CCDC150: variants seen among roughly 807,000 people sequenced by gnomAD.
CCDC150 encodes coiled-coil domain containing 150.
In CCDC150, 151 loss-of-function variants were observed where a neutral mutation model predicts 156.5. The ratio of observed to expected loss-of-function variants is 0.97; its 90% confidence interval spans 0.85 to 1.10. The LOEUF (loss-of-function observed/expected upper bound fraction) is 1.10, where lower values mean the gene tolerates loss of function less well. Among genes scored for constraint, CCDC150 ranks in the 50% least tolerant of loss-of-function variants. The probability of loss-of-function intolerance (pLI) is 0.00; values close to 1 mark genes in which losing one functional copy is unlikely to be tolerated. For synonymous variants in CCDC150, 452 were observed against 429.4 expected, an observed-to-expected ratio of 1.05 and a Z score of -0.65; for missense variants, 1,312 against 1,268.1, an observed-to-expected ratio of 1.03 and a Z score of -0.53.
In CCDC150 at chr2:196,695,062, T is replaced by C. The variant is rs759742977; in HGVS notation, c.1526T>C (p.Leu509Ser). Residue 509 changes from leucine (L) to serine (S), a missense_variant, in exon 14 of 28, where the codon TTA becomes TCA. By Grantham distance (145) the Leu-to-Ser change is moderately radical. Coordinates refer to ENST00000389175, the MANE Select transcript of CCDC150 (RefSeq NM_001080539.2). Reference protein sequence around the residue: ...LAKNKVDINTLTHNLQTLEEE... With the variant: ...LAKNKVDINTSTHNLQTLEEE... ...TCTTTAAAGGTAGACATAAATACAT[T>C]AACTCATAACCTGCAGACTCTTGAA... 11 of 1,597,126 alleles carry C rather than the reference T, an allele frequency of 6.9e-6. No homozygotes were observed. In the African/African-American group the frequency reaches 1.5e-4, roughly 22 times the overall value.
At chr2:196,678,172 T>C (rs1694621966) in intron 13 of CCDC150, among the ~76,000 whole-genome samples, 1 of 152,158 alleles carries the variant, frequency 6.6e-6, no homozygotes, top group African/African-American at 2.4e-5. Context: ...CGTTTCAAAT[T>C]TTGAAGAGAG....
chr2:196,731,194 T>C (rs1698498260), intron 26 of CCDC150, among the ~76,000 whole-genome samples: 1 of 152,264 alleles, frequency 6.6e-6, no homozygotes, highest in South Asian at 2.1e-4. Context: ...CAAATCTCCC[T>C]ATTAAATATA....
At chr2:196,706,930 T>C (rs1160126218) in intron 15 of CCDC150, among the ~76,000 whole-genome samples, 1 of 152,210 alleles carries the variant, frequency 6.6e-6, no homozygotes, top group African/African-American at 2.4e-5. Context: ...TTATTGAGGA[T>C]TTTCACATCA....
intron 15 of CCDC150, among the ~76,000 whole-genome samples, chr2:196,709,251 T>C (rs116698954): frequency 1.5e-3 from 229 of 152,324 alleles, no homozygotes; most frequent in Non-Finnish European, 2.8e-3. Context: ...ATTTCACTGA[T>C]TTGATCTTCA....
chr2:196,702,049 G>A (rs1696248544), intron 15 of CCDC150, among the ~76,000 whole-genome samples: 1 of 152,076 alleles, frequency 6.6e-6, no homozygotes, highest in South Asian at 2.1e-4. Flanking sequence ...GGGCAATATA[G>A]CAAGACCCTG....
intron 14 of CCDC150, among the ~76,000 whole-genome samples, chr2:196,699,330 C>T (rs1696043044): frequency 6.6e-6 from 1 of 152,088 alleles, no homozygotes; most frequent in Non-Finnish European, 1.5e-5. Flanking sequence ...AGGACAAATA[C>T]TTGGTCTAAT....
chr2:196,647,444 CA>C, intron 2 of CCDC150, among the ~76,000 whole-genome samples: 1 of 151,974 alleles, frequency 6.6e-6, no homozygotes, highest in Non-Finnish European at 1.5e-5. Context: ...CTTGTTTCTA[CA>C]TAACAAGAAA....
At chr2:196,683,171 A>C (rs1694941550) in intron 13 of CCDC150, among the ~76,000 whole-genome samples, 2 of 152,044 alleles carry the variant, frequency 1.3e-5, no homozygotes, top group Admixed American at 6.5e-5. Flanking sequence ...AATGCTGTTC[A>C]TCAGGATTAG....
At position 196,666,522 on chromosome 2, in the gene CCDC150, G is replaced by A. The variant is rs570225619; in HGVS notation, c.763-197G>A. Among the ~76,000 whole-genome samples, 3 of 152,256 alleles carry A rather than the reference G, an allele frequency of 2.0e-5. No homozygotes were observed. In the South Asian group the frequency reaches 6.2e-4, roughly 32 times the overall value. On this transcript the variant is annotated intron_variant, in intron 6 of 27. Coordinates refer to ENST00000389175, the MANE Select transcript of CCDC150 (RefSeq NM_001080539.2). ...TTGTGGCTAGTGGATTATTGCATTG[G>A]AGAGTGCACAGAAGGTTCTATTGGA...
Position 196,719,477 on chromosome 2 carries a change from G to A in CCDC150, c.1996-20G>A, listed in dbSNP as rs1440583152. On this transcript the variant is annotated intron_variant, in intron 18 of 27. Coordinates refer to ENST00000389175, the MANE Select transcript of CCDC150 (RefSeq NM_001080539.2). ...ACCAGAAAGGATCAAATGTCTTTGT[G>A]TTGTTTCATTTTCTGTTAGGTGGGA... 6.3e-7 allele frequency: 1 copy of A among 1,598,702 alleles called. No homozygotes were observed. Among genetic ancestry groups the A allele is most frequent in the South Asian group, 1.1e-5 (1 of 88,112 alleles).
intron 15 of CCDC150, among the ~76,000 whole-genome samples, chr2:196,705,853 G>A (rs1457147283): frequency 6.6e-6 from 1 of 152,234 alleles, no homozygotes; most frequent in African/African-American, 2.4e-5. Context: ...TCAAAGATCA[G>A]ATGGTTGTAG....
At chr2:196,713,812 A>C (rs1335973528) in intron 17 of CCDC150, 5 of 1,034,660 alleles carry the variant, frequency 4.8e-6, no homozygotes, top group Non-Finnish European at 6.4e-6. Flanking sequence ...AATAGAAAAA[A>C]GACTAATATA....
At chr2:196,713,224 G>A in intron 17 of CCDC150, 1 of 1,262,968 alleles carries the variant, frequency 7.9e-7, no homozygotes, top group African/African-American at 1.5e-5. Flanking sequence ...TGAAAGCAGA[G>A]AAACACATTT....
chr2:196,710,236 T>G (rs1451982953), intron 15 of CCDC150, among the ~76,000 whole-genome samples: 1 of 152,160 alleles, frequency 6.6e-6, no homozygotes, highest in Non-Finnish European at 1.5e-5. Flanking sequence ...CCCCTCCCCA[T>G]GCCAGGCTGC....
chr2:196,683,865 G>T (rs1694980825), intron 13 of CCDC150, among the ~76,000 whole-genome samples: 1 of 151,836 alleles, frequency 6.6e-6, no homozygotes, highest in Non-Finnish European at 1.5e-5. Flanking sequence ...CTCTCTGACT[G>T]CTAATTTTAA....
intron 13 of CCDC150, among the ~76,000 whole-genome samples, chr2:196,693,013 A>G (rs978619492): frequency 6.6e-6 from 1 of 152,222 alleles, no homozygotes; most frequent in Non-Finnish European, 1.5e-5. Flanking sequence ...TTGGATGCAT[A>G]TATATTTAAG....
intron 2 of CCDC150, among the ~76,000 whole-genome samples, chr2:196,653,294 C>T (rs984645247): frequency 9.2e-5 from 14 of 152,158 alleles, no homozygotes; most frequent in African/African-American, 2.7e-4. Flanking sequence ...TTTCAATATA[C>T]GTTTCAACCT....
intron 1 of CCDC150, among the ~76,000 whole-genome samples, chr2:196,641,468 C>A (rs574328519): frequency 1.3e-5 from 2 of 152,304 alleles, no homozygotes; most frequent in Admixed American, 6.5e-5. Context: ...GGTCTTTGCT[C>A]AAATGTTATG....
chr2:196,687,191 T>C (rs1279567990), intron 13 of CCDC150, among the ~76,000 whole-genome samples: 1 of 152,220 alleles, frequency 6.6e-6, no homozygotes, highest in African/African-American at 2.4e-5. Flanking sequence ...CGCCACACTG[T>C]CTTCCACAAT....
Sources: allele counts gnomAD v4.1 joint callset (sites outside exome capture counted in the v4.1 genomes callset), GRCh38; gene constraint gnomAD v4.1.1; transcripts MANE v1.5; gene names NCBI Gene and HGNC (gene_info 2026-07-23, HGNC 2026-07-21).